Variants in TAFA4 observed in about 807,000 individuals in gnomAD.
TAFA4 encodes the protein TAFA chemokine like family member 4.
Under a neutral mutation model 21.1 loss-of-function variants are expected in TAFA4, and 20 were observed. The ratio of observed to expected loss-of-function variants is 0.95; its 90% CI spans 0.67 to 1.38. The LOEUF (loss-of-function observed/expected upper bound fraction) is 1.38. TAFA4 is among the 40% of genes most tolerant of loss of function. The pLI, the probability that TAFA4 is intolerant of heterozygous loss-of-function variation, is 0.00. For missense variants in TAFA4, 211 were observed against 180.9 expected, an observed-to-expected ratio of 1.17 and a Z score of -0.95; for synonymous variants, 71 against 67.4, an observed-to-expected ratio of 1.05 and a Z score of -0.26.
At chr3:68,853,418 C>A (rs532281288) in intron 3 of TAFA4, among the ~76,000 whole-genome samples, 2 of 151,908 alleles carry the variant, frequency 1.3e-5, no homozygotes, top group Non-Finnish European at 2.9e-5. Flanking sequence ...TAATTTTCCC[C>A]GAAATGCCTA....
chr3:68,810,493 C>A (rs148889644), intron 3 of TAFA4, among the ~76,000 whole-genome samples: 2 of 152,188 alleles, frequency 1.3e-5, no homozygotes, highest in African/African-American at 4.8e-5. Flanking sequence ...ACTTTTCCAA[C>A]GGTCTTAGCA....
chr3:68,785,886 C>T (rs990896921), intron 3 of TAFA4, among the ~76,000 whole-genome samples: 2 of 152,250 alleles, frequency 1.3e-5, no homozygotes, highest in Non-Finnish European at 2.9e-5. Flanking sequence ...AATGCACACC[C>T]TCTTTAACTT....
At chr3:68,854,354 C>T (rs1300908081) in intron 3 of TAFA4, among the ~76,000 whole-genome samples, 1 of 151,978 alleles carries the variant, frequency 6.6e-6, no homozygotes. Flanking sequence ...CCTTGGAGGT[C>T]ATGAAAATGA....
chr3:68,783,742 AAAG>A (rs1384632111), intron 3 of TAFA4, among the ~76,000 whole-genome samples: 8,559 of 114,626 alleles, frequency 0.075, 342 homozygotes, highest in Non-Finnish European at 0.12. Context: ...AGAAAGAAAG[AAAG>A]TAAGAAAGAA....
At chr3:68,831,147 G>C (rs1006705369) in intron 3 of TAFA4, among the ~76,000 whole-genome samples, 4 of 152,074 alleles carry the variant, frequency 2.6e-5, no homozygotes, top group Admixed American at 2.6e-4. Flanking sequence ...TATCCAATTT[G>C]CCAGTCTGTG....
At chr3:68,870,337 T>G (rs2106935828) in intron 3 of TAFA4, among the ~76,000 whole-genome samples, 1 of 151,978 alleles carries the variant, frequency 6.6e-6, no homozygotes, top group East Asian at 1.9e-4. Flanking sequence ...TCACAAAACT[T>G]GAAAAAACAA....
At chr3:68,831,867 G>C (rs984300348) in intron 3 of TAFA4, among the ~76,000 whole-genome samples, 5 of 152,106 alleles carry the variant, frequency 3.3e-5, no homozygotes, top group Non-Finnish European at 7.4e-5. Context: ...ATTTCTTGGA[G>C]TCTTTGTTCA....
intron 3 of TAFA4, among the ~76,000 whole-genome samples, chr3:68,813,839 C>A (rs1347766786): frequency 6.6e-6 from 1 of 152,066 alleles, no homozygotes; most frequent in East Asian, 1.9e-4. Context: ...ATCCTGATAC[C>A]AAAGCCTGGC....
intron 3 of TAFA4, among the ~76,000 whole-genome samples, chr3:68,776,530 A>G (rs1458857597): frequency 6.6e-6 from 1 of 152,200 alleles, no homozygotes; most frequent in East Asian, 1.9e-4. Flanking sequence ...TGTTGGAACT[A>G]AAGGGACAAA....
At chr3:68,800,927 C>A (rs1275293165) in intron 3 of TAFA4, among the ~76,000 whole-genome samples, 1 of 152,094 alleles carries the variant, frequency 6.6e-6, no homozygotes, top group African/African-American at 2.4e-5. Flanking sequence ...AGCTTTGTCA[C>A]CAAAGCTGTG....
At chr3:68,869,550 G>C (rs139061044) in intron 3 of TAFA4, among the ~76,000 whole-genome samples, 3,098 of 152,110 alleles carry the variant, frequency 0.02, 111 homozygotes, top group African/African-American at 0.071. Context: ...TGCAAAGATG[G>C]TTCAACATAT....
chr3:68,816,435 C>A (rs547349335), intron 3 of TAFA4, among the ~76,000 whole-genome samples: 316 of 152,238 alleles, frequency 2.1e-3, no homozygotes, highest in African/African-American at 6.7e-3. Flanking sequence ...CGTTTATGTA[C>A]TTGAGTAAAT....
chr3:68,878,775 A>G (rs2089582939), intron 3 of TAFA4, among the ~76,000 whole-genome samples: 1 of 152,174 alleles, frequency 6.6e-6, no homozygotes, highest in Admixed American at 6.5e-5. Context: ...TTAGTTGCTT[A>G]AAAATACTAC....
chr3:68,838,035 T>C (rs934550328), intron 3 of TAFA4, among the ~76,000 whole-genome samples: 4 of 152,280 alleles, frequency 2.6e-5, no homozygotes, highest in African/African-American at 9.6e-5. Flanking sequence ...TAAAATCTAC[T>C]CTCAGCAATT....
chr3:68,824,282 ACTGGGCTAAC>A (rs1704177602), intron 3 of TAFA4, among the ~76,000 whole-genome samples: 1 of 152,240 alleles, frequency 6.6e-6, no homozygotes, highest in South Asian at 2.1e-4. Context: ...AATGGGTTTA[ACTGGGCTAAC>A]CTCAAGGTGT....
intron 1 of TAFA4, among the ~76,000 whole-genome samples, chr3:68,915,642 T>C (rs546141114): frequency 1.3e-5 from 2 of 152,316 alleles, no homozygotes; most frequent in East Asian, 1.9e-4. Context: ...TTAATCATGG[T>C]GGGTATTTGA....
chr3:68,832,859 G>T (rs775235150), intron 3 of TAFA4, among the ~76,000 whole-genome samples: 3 of 152,198 alleles, frequency 2.0e-5, no homozygotes, highest in Non-Finnish European at 2.9e-5. Flanking sequence ...AAGCTTCCCC[G>T]ACACTTTGTT....
At chr3:68,860,340 A>G (rs2089319076) in intron 3 of TAFA4, among the ~76,000 whole-genome samples, 1 of 152,160 alleles carries the variant, frequency 6.6e-6, no homozygotes, top group Non-Finnish European at 1.5e-5. Context: ...GTTTTCACCT[A>G]TAAAACATTA....
chr3:68,872,858 T>A (rs1221247784), intron 3 of TAFA4, among the ~76,000 whole-genome samples: 1 of 152,082 alleles, frequency 6.6e-6, no homozygotes, highest in Non-Finnish European at 1.5e-5. Flanking sequence ...TTGCCCAGGG[T>A]CACATAGGTA....
Sources: allele counts gnomAD v4.1 joint callset (sites outside exome capture counted in the v4.1 genomes callset), GRCh38; gene constraint gnomAD v4.1.1; transcripts MANE v1.5; gene names NCBI Gene and HGNC (gene_info 2026-07-23, HGNC 2026-07-21).